The following DLG2 variants were observed in gnomAD, a reference collection of about 807,000 sequenced individuals.
DLG2 encodes the protein discs large MAGUK scaffold protein 2.
Under a neutral mutation model 132.5 loss-of-function variants are expected in DLG2, and 45 were observed. That is an observed-to-expected ratio of 0.34 (90% CI 0.27 to 0.44). DLG2 has a LOEUF of 0.44. Among genes scored for constraint, DLG2 ranks in the 20% least tolerant of loss-of-function variants. The probability of loss-of-function intolerance (pLI) is 1.00; values close to 1 mark genes in which losing one functional copy is unlikely to be tolerated. For missense variants in DLG2, 1,045 were observed against 1,196.9 expected (o/e 0.87, Z 1.87); for synonymous variants, 424 against 419.6 (o/e 1.01, Z -0.13).
chr11:84,316,519 G>A (rs1567270157), intron 7 of DLG2, among the ~76,000 whole-genome samples: 1 of 151,994 alleles, frequency 6.6e-6, no homozygotes, highest in East Asian at 1.9e-4. Context: ...CAGAACAAAA[G>A]TTAAAAATGA....
chr11:85,355,777 C>A (rs1056831995), intron 3 of DLG2, among the ~76,000 whole-genome samples: 4 of 152,112 alleles, frequency 2.6e-5, no homozygotes, highest in African/African-American at 9.7e-5. Context: ...TAACAATTTC[C>A]CATGATTCCT....
intron 4 of DLG2, among the ~76,000 whole-genome samples, chr11:85,188,538 C>A (rs2080295693): frequency 6.6e-6 from 1 of 151,972 alleles, no homozygotes; most frequent in Admixed American, 6.6e-5. Flanking sequence ...AATGAATACA[C>A]AATAGACCTA....
At chr11:84,049,380 A>G (rs1163041384) in intron 11 of DLG2, among the ~76,000 whole-genome samples, 1 of 151,816 alleles carries the variant, frequency 6.6e-6, no homozygotes, top group Non-Finnish European at 1.5e-5. Flanking sequence ...AATTTCTTGT[A>G]CATACAATTT....
At chr11:84,890,791 G>C (rs1331615474) in intron 6 of DLG2, 1 of 152,286 alleles carries the variant, frequency 6.6e-6, no homozygotes, top group Non-Finnish European at 1.5e-5. Context: ...GAGCTGAGTA[G>C]GTCAGGGATA....
chr11:84,765,428 C>T (rs531692405), intron 6 of DLG2, among the ~76,000 whole-genome samples: 1 of 152,168 alleles, frequency 6.6e-6, no homozygotes, highest in African/African-American at 2.4e-5. Context: ...GACTCAGCCT[C>T]CCAGAATTCT....
chr11:85,540,220 C>A (rs779292294), intron 3 of DLG2, among the ~76,000 whole-genome samples: 1 of 152,186 alleles, frequency 6.6e-6, no homozygotes, highest in Non-Finnish European at 1.5e-5. Flanking sequence ...ACTCTTGTTT[C>A]CGTACCCAAA....
chr11:83,857,281 G>A (rs543860826), intron 16 of DLG2, among the ~76,000 whole-genome samples: 28 of 152,238 alleles, frequency 1.8e-4, no homozygotes, highest in African/African-American at 6.7e-4. Context: ...TTTTGCTTAT[G>A]ATTGTTTTGG....
At chr11:83,562,569 GAGA>G in intron 19 of DLG2, among the ~76,000 whole-genome samples, 1 of 152,248 alleles carries the variant, frequency 6.6e-6, no homozygotes, top group Middle Eastern at 3.4e-3. Context: ...TTTGAATAAT[GAGA>G]AGAATAAAGA....
chr11:84,448,278 G>C (rs764891775), intron 7 of DLG2, among the ~76,000 whole-genome samples: 20 of 152,078 alleles, frequency 1.3e-4, no homozygotes, highest in Middle Eastern at 3.4e-3. Context: ...GGAAGCAATA[G>C]TCTTAGTTTT....
At chr11:84,599,896 G>A (rs957171807) in intron 6 of DLG2, among the ~76,000 whole-genome samples, 3 of 151,716 alleles carry the variant, frequency 2.0e-5, no homozygotes, top group Admixed American at 2.0e-4. Flanking sequence ...GCCAGGTATA[G>A]TGGTGCACAC....
chr11:83,825,183 T>A (rs1478815630), intron 17 of DLG2, among the ~76,000 whole-genome samples: 1,836 of 94,884 alleles, frequency 0.019, 26 homozygotes, highest in Middle Eastern at 0.034. Flanking sequence ...TTTTTTTTTT[T>A]TTTTTTTTTT....
At chr11:84,745,061 C>T (rs999990224) in intron 6 of DLG2, among the ~76,000 whole-genome samples, 3 of 151,730 alleles carry the variant, frequency 2.0e-5, no homozygotes, top group African/African-American at 2.4e-5. Context: ...ATAGTTATAC[C>T]GACAGTTCAC....
intron 17 of DLG2, among the ~76,000 whole-genome samples, chr11:83,795,324 C>G (rs914895350): frequency 2.9e-4 from 44 of 152,106 alleles, no homozygotes; most frequent in African/African-American, 9.4e-4. Flanking sequence ...AGGAGAATGG[C>G]GTGAACATGG....
chr11:84,545,404 C>T, intron 6 of DLG2: 1 of 505,130 alleles, frequency 2.0e-6, no homozygotes, highest in Non-Finnish European at 3.8e-6. Context: ...CCACGGCTGC[C>T]ACCAAAGCTA....
intron 5 of DLG2, among the ~76,000 whole-genome samples, chr11:85,136,492 A>G (rs1041996004): frequency 5.9e-5 from 9 of 151,890 alleles, no homozygotes; most frequent in African/African-American, 2.2e-4. Flanking sequence ...TTTTTTTTTA[A>G]CAGACACAGT....
At chr11:84,480,685 C>T (rs2099134650) in intron 7 of DLG2, among the ~76,000 whole-genome samples, 1 of 150,656 alleles carries the variant, frequency 6.6e-6, no homozygotes, top group Non-Finnish European at 1.5e-5. Flanking sequence ...TTTATCTAGT[C>T]TCTTTGGCCC....
At chr11:84,896,272 A>G (rs922764927) in intron 6 of DLG2, among the ~76,000 whole-genome samples, 3 of 152,112 alleles carry the variant, frequency 2.0e-5, no homozygotes, top group Non-Finnish European at 4.4e-5. Context: ...CAGAGGGTCC[A>G]CTAATATTGT....
At chr11:84,430,371 G>A (rs1238933139) in intron 7 of DLG2, among the ~76,000 whole-genome samples, 5 of 151,062 alleles carry the variant, frequency 3.3e-5, no homozygotes, top group African/African-American at 4.9e-5. Context: ...CCAGGGAGTC[G>A]GAGGTTGTAG....
intron 3 of DLG2, among the ~76,000 whole-genome samples, chr11:85,545,351 G>A (rs919246817): frequency 4.2e-4 from 64 of 152,298 alleles, no homozygotes; most frequent in African/African-American, 1.5e-3. Context: ...CTTGATCGTG[G>A]TGGATAAGCT....
Sources: gnomAD v4.1 joint callset for allele counts (sites outside exome capture counted in the v4.1 genomes callset) on GRCh38, gnomAD v4.1.1 for gene constraint, MANE v1.5 for transcripts, NCBI Gene and HGNC (gene_info 2026-07-23, HGNC 2026-07-21) for gene names.